Variants in CD55 observed in about 807,000 individuals in gnomAD.
The protein encoded by CD55 is CD55 molecule (Cromer blood group).
A neutral mutation model predicts 45.8 loss-of-function variants in CD55; 41 were observed. The observed-to-expected ratio is 0.90, with a 90% CI of 0.70 to 1.16. The LOEUF (loss-of-function observed/expected upper bound fraction) is 1.16, where lower values mean the gene tolerates loss of function less well. CD55 is among the 50% of genes most tolerant of loss of function. The pLI, the probability that CD55 is intolerant of heterozygous loss-of-function variation, is 0.00. For synonymous variants in CD55, 181 were observed against 181.1 expected (o/e 1.00, Z 0.01); for missense variants, 416 against 469.8 (o/e 0.89, Z 1.06).
intron 9 of CD55, among the ~76,000 whole-genome samples, chr1:207,345,038 A>G (rs1655578329): frequency 6.6e-6 from 1 of 152,092 alleles, no homozygotes; most frequent in Non-Finnish European, 1.5e-5. Context: ...TTTAAATTGT[A>G]TCTACTTGGT....
At chr1:207,343,794 C>A (rs772809669) in intron 9 of CD55, among the ~76,000 whole-genome samples, 4 of 152,172 alleles carry the variant, frequency 2.6e-5, no homozygotes, top group Non-Finnish European at 5.9e-5. Context: ...GTATTGGAGT[C>A]TATCCCTTTA....
chr1:207,355,226 C>A (rs1386065742), intron 9 of CD55, among the ~76,000 whole-genome samples: 3 of 149,944 alleles, frequency 2.0e-5, no homozygotes, highest in Admixed American at 6.8e-5. Context: ...CAAATACACT[C>A]ATTAGTCACG....
intron 9 of CD55, chr1:207,347,078 A>T: frequency 2.2e-6 from 1 of 455,944 alleles, no homozygotes; most frequent in Non-Finnish European, 4.4e-6. Context: ...GTTAAATTCT[A>T]GTGTTCTCTC....
At chr1:207,340,451 G>A (rs925631284) in intron 9 of CD55, 29 of 663,540 alleles carry the variant, frequency 4.4e-5, no homozygotes, top group Non-Finnish European at 6.8e-5. Context: ...CTGCAGTCTC[G>A]AACTCCTGGG....
chr1:207,336,151 AGAG>A (rs1655163312), intron 6 of CD55, among the ~76,000 whole-genome samples: 1 of 152,180 alleles, frequency 6.6e-6, no homozygotes, highest in South Asian at 2.1e-4. Flanking sequence ...TGAAATCTAA[AGAG>A]GAACTGGTGT....
rs757632660 is a variant in CD55 at position 207,331,253 on chromosome 1, T to C, written c.810T>C (p.Asn270=). 20 of 1,613,920 alleles carry C rather than the reference T, an allele frequency of 1.2e-5. 1 individual carries two copies. The Middle Eastern group carries it at 2.5e-3, about 200-fold the overall frequency. The stretch of plus-strand genomic sequence containing the variant: ...AGCACTCTATTTATTGTACTGTGAA[T>C]AATGATGAAGGAGAGTGGAGTGGCC... ...IGEHSIYCTV[N]NDEGEWSGPP... is the part of the protein sequence containing the mutation. The change falls in exon 6 of 10, where the codon AAT becomes AAC. Residue 270 remains asparagine (N), a synonymous_variant. Coordinates refer to ENST00000367064, the MANE Select transcript of CD55 (RefSeq NM_000574.5).
chr1:207,332,407 A>G (rs1453951010), intron 6 of CD55, among the ~76,000 whole-genome samples: 1 of 152,184 alleles, frequency 6.6e-6, no homozygotes, highest in Admixed American at 6.5e-5. Flanking sequence ...TAGTATAATT[A>G]TTTATAACAA....
chr1:207,352,343 A>G (rs887596661), intron 9 of CD55, among the ~76,000 whole-genome samples: 1 of 152,028 alleles, frequency 6.6e-6, no homozygotes, highest in African/African-American at 2.4e-5. Context: ...TATACTGTAA[A>G]TCAGTTTATG....
At position 207,359,829 on chromosome 1, in the gene CD55, A is replaced by G. The variant is rs939296398; in HGVS notation, c.*219A>G. 2.4e-6 allele frequency: 1 copy of G among 410,348 alleles called. No homozygotes were observed. Among genetic ancestry groups the G allele is most frequent in the African/African-American group, 2.1e-5 (1 of 48,398 alleles). The allele number at this position is 410,348 out of a possible 1,614,324, so 25.4% of individuals were successfully genotyped here. A position where few individuals can be genotyped will look rare whatever the true frequency, so the allele number is the denominator to read the frequency against. On this transcript the variant is annotated 3_prime_UTR_variant, in exon 10 of 10. Transcript: ENST00000367064. ...ACCTACACCTCTTGAAAATAGAACA[A>G]CTTGCAGAATTGAGAGTGATTCCTT...
chr1:207,337,446 C>G (rs1479351028), intron 8 of CD55, 37 bp downstream of exon 8: 1 of 1,076,102 alleles, frequency 9.3e-7, no homozygotes, highest in African/African-American at 1.6e-5. Context: ...GAGTATGGAT[C>G]TAATGTGCTA....
At chr1:207,323,249 GGA>G (rs1489137373) in intron 2 of CD55, among the ~76,000 whole-genome samples, 2 of 149,580 alleles carry the variant, frequency 1.3e-5, no homozygotes, top group Non-Finnish European at 3.0e-5. Context: ...ATATATATAG[GGA>G]GAGATATATA....
chr1:207,325,764 A>G, intron 4 of CD55, 43 bp downstream of exon 4: 1 of 1,174,476 alleles, frequency 8.5e-7, no homozygotes. Flanking sequence ...GGAAATGAGA[A>G]AACAAATTAG....
intron 6 of CD55, 37 bp from the exon 7 acceptor site, chr1:207,336,656 A>G (rs1021249527): frequency 1.2e-6 from 2 of 1,610,556 alleles, no homozygotes; most frequent in South Asian, 1.1e-5. Context: ...GGCCAGCAAT[A>G]TTTAGCTAAC....
intron 9 of CD55, among the ~76,000 whole-genome samples, chr1:207,357,393 G>GA (rs921205732): frequency 3.3e-5 from 5 of 151,754 alleles, no homozygotes; most frequent in Non-Finnish European, 7.4e-5. Flanking sequence ...AAGCTACTCT[G>GA]AAAAAAAATA....
At chr1:207,336,366 A>AT (rs1326032820) in intron 6 of CD55, among the ~76,000 whole-genome samples, 1 of 152,156 alleles carries the variant, frequency 6.6e-6, no homozygotes, top group East Asian at 1.9e-4. Context: ...ACAAAAGATA[A>AT]TTTGGGAGAC....
At chr1:207,333,862 T>C (rs1481917393) in intron 6 of CD55, among the ~76,000 whole-genome samples, 1 of 151,900 alleles carries the variant, frequency 6.6e-6, no homozygotes, top group Non-Finnish European at 1.5e-5. Context: ...ATGTGAAATA[T>C]AGATAAAAGT....
chr1:207,348,556 C>A (rs2490256), intron 9 of CD55, among the ~76,000 whole-genome samples: 35,725 of 152,026 alleles, frequency 0.23, 5,540 homozygotes, highest in East Asian at 0.57. Context: ...TTTTGCCATG[C>A]AGAAGCACTT....
intron 2 of CD55, among the ~76,000 whole-genome samples, chr1:207,323,941 G>C (rs192054672): frequency 6.6e-6 from 1 of 152,214 alleles, no homozygotes; most frequent in East Asian, 1.9e-4. Flanking sequence ...TGTAAACTTG[G>C]GTCTTCTGAC....
intron 7 of CD55, chr1:207,337,056 C>G (rs1305443027): frequency 3.3e-6 from 2 of 614,014 alleles, no homozygotes; most frequent in Non-Finnish European, 5.8e-6. Flanking sequence ...CAGAAACCCA[C>G]CAGAGCAAAT....
Sources: gnomAD v4.1 joint callset for allele counts (sites outside exome capture counted in the v4.1 genomes callset) on GRCh38, gnomAD v4.1.1 for gene constraint, MANE v1.5 for transcripts, NCBI Gene and HGNC (gene_info 2026-07-23, HGNC 2026-07-21) for gene names.